The following EIF4EBP2 variants were observed in gnomAD, a reference collection of about 807,000 sequenced individuals.
EIF4EBP2 encodes the protein eukaryotic translation initiation factor 4E binding protein 2.
EIF4EBP2 carries 5 observed loss-of-function variants against 10.3 expected under a neutral mutation model. The observed-to-expected ratio is 0.48, with a 90% CI of 0.25 to 1.02. The LOEUF is 1.02. Among genes scored for constraint, EIF4EBP2 ranks in the 50% least tolerant of loss-of-function variants. The pLI is 0.15. For missense variants in EIF4EBP2, 188 were observed against 162.2 expected, an observed-to-expected ratio of 1.16 and a Z score of -0.86; for synonymous variants, 67 against 61.1, an observed-to-expected ratio of 1.10 and a Z score of -0.45.
Position 70,425,437 on chromosome 10 carries a change from C to A in EIF4EBP2, c.*3690C>A, listed in dbSNP as rs969068605. The A allele has an allele frequency of 2.0e-5, 3 of 152,230 alleles. No individual in the cohort carries two copies. The highest frequency in any genetic ancestry group is 2.1e-4 in the South Asian group (1 of 4,832). 9.4% of individuals were successfully genotyped at this position (152,230 alleles called of 1,614,324 possible). A position where few individuals can be genotyped will look rare whatever the true frequency, so the allele number is the denominator to read the frequency against. ...ATATCTTAAAAGCACCACACCCCAA[C>A]TGGGGATGAAAGTAGGTCAACAGGG... On this transcript the variant is annotated 3_prime_UTR_variant, in exon 3 of 3. Coordinates refer to ENST00000373218, the MANE Select transcript of EIF4EBP2 (RefSeq NM_004096.5).
intron 1 of EIF4EBP2, among the ~76,000 whole-genome samples, chr10:70,405,836 A>G (rs941655538): frequency 6.6e-6 from 1 of 152,166 alleles, no homozygotes; most frequent in African/African-American, 2.4e-5. Flanking sequence ...GGCTGCCTTG[A>G]AAGGCTTTTT....
Position 70,424,709 on chromosome 10 carries a change from G to A in EIF4EBP2, c.*2962G>A, listed in dbSNP as rs191580744. 9 of 152,306 alleles carry A rather than the reference G, an allele frequency of 5.9e-5. No individual in the cohort carries two copies. Among genetic ancestry groups the A allele is most frequent in the Admixed American group, 2.6e-4 (4 of 15,302 alleles). The allele number at this position is 152,306 out of a possible 1,614,324, so 9.4% of individuals were successfully genotyped here. ...TGCTTCTATACTTGGGCGGACAATC[G>A]AGCTTAATGAGAAGTGACTTCCCTT... On this transcript the variant is annotated 3_prime_UTR_variant, in exon 3 of 3. Coordinates refer to ENST00000373218, the MANE Select transcript of EIF4EBP2 (RefSeq NM_004096.5).
intron 1 of EIF4EBP2, among the ~76,000 whole-genome samples, chr10:70,405,325 A>C (rs1010390464): frequency 1.3e-5 from 2 of 152,190 alleles, no homozygotes; most frequent in Non-Finnish European, 2.9e-5. Flanking sequence ...AAGGGGCTAG[A>C]GAGAGGCAAT....
intron 1 of EIF4EBP2, among the ~76,000 whole-genome samples, chr10:70,417,129 G>C (rs975212035): frequency 7.2e-5 from 11 of 152,122 alleles, no homozygotes; most frequent in Admixed American, 5.9e-4. Flanking sequence ...AATTGATAAG[G>C]TGCGATATAT....
At position 70,421,700 on chromosome 10, in the gene EIF4EBP2, T is replaced by A. The variant is rs1845158771; in HGVS notation, c.332-16T>A. 6.2e-7 allele frequency: 1 copy of A among 1,612,226 alleles called. No individual in the cohort carries two copies. Among genetic ancestry groups the A allele is most frequent in the Non-Finnish European group, 8.5e-7 (1 of 1,178,350 alleles). ...TGTGTACGTGCTAAACTCTTCATTT[T>A]ATTGGTCCTAACTAGGGGATGATGC... is the stretch of plus-strand genomic sequence containing the variant. On this transcript the variant is annotated splice_polypyrimidine_tract_variant and intron_variant, in intron 2 of 2. Transcript: ENST00000373218.
rs1475710253 is a variant in EIF4EBP2, at chr10:70,404,387, C to T, written c.-15C>T. 2 of 1,555,044 alleles carry T rather than the reference C, an allele frequency of 1.3e-6. No individual in the cohort carries two copies. Among genetic ancestry groups the T allele is most frequent in the Non-Finnish European group, 1.7e-6 (2 of 1,154,170 alleles). ...CCTGCCCGCCGGACAAAGCCGAGAGCCCGCGCCCACAGCCATGTCCTCGTC... is the reference window on the plus strand; with the variant it reads ...CCTGCCCGCCGGACAAAGCCGAGAGTCCGCGCCCACAGCCATGTCCTCGTC... On this transcript the variant is annotated 5_prime_UTR_variant, in exon 1 of 3. Transcript: ENST00000373218.
intron 2 of EIF4EBP2, among the ~76,000 whole-genome samples, chr10:70,421,042 G>A (rs955768193): frequency 3.3e-5 from 5 of 152,056 alleles, no homozygotes; most frequent in Admixed American, 1.3e-4. Flanking sequence ...TGATCCGCCC[G>A]CCTCAGCCTC....
chr10:70,427,102 C>T lies in EIF4EBP2; in HGVS notation c.*5355C>T, dbSNP rs1265132936. The T allele has an allele frequency of 6.6e-6, 1 of 152,250 alleles. No individual in the cohort carries two copies. The highest frequency in any genetic ancestry group is 1.9e-4 in the East Asian group (1 of 5,202). The allele number at this position is 152,250 out of a possible 1,614,324, so 9.4% of individuals were successfully genotyped here. On this transcript the variant is annotated 3_prime_UTR_variant, in exon 3 of 3. Coordinates refer to ENST00000373218, the MANE Select transcript of EIF4EBP2 (RefSeq NM_004096.5). ...ATTCCCCTTGAGCGAGGAAGCCACACTGCCTTTCTGTGTCTGGTTCAGAGC... is the reference window on the plus strand; with the variant it reads ...ATTCCCCTTGAGCGAGGAAGCCACATTGCCTTTCTGTGTCTGGTTCAGAGC...
intron 1 of EIF4EBP2, among the ~76,000 whole-genome samples, chr10:70,411,244 G>A (rs1845040724): frequency 6.6e-6 from 1 of 152,126 alleles, no homozygotes. Context: ...TACCACCGCA[G>A]CCTCCGGCAG....
chr10:70,424,419 T>G lies in EIF4EBP2; in HGVS notation c.*2672T>G, dbSNP rs1396671232. 6.6e-6 allele frequency: 1 copy of G among 152,238 alleles called. No homozygotes were observed. The highest frequency in any genetic ancestry group is 1.5e-5 in the Non-Finnish European group (1 of 68,042). The allele number at this position is 152,238 out of a possible 1,614,324, so 9.4% of individuals were successfully genotyped here. ...TTTATCTTATGGAGATAAATTGGCA[T>G]TTAAAAAATAATTTCACAAGGCATG... On this transcript the variant is annotated 3_prime_UTR_variant, in exon 3 of 3. Coordinates refer to ENST00000373218, the MANE Select transcript of EIF4EBP2 (RefSeq NM_004096.5).
intron 1 of EIF4EBP2, among the ~76,000 whole-genome samples, chr10:70,407,167 G>C (rs1418567879): frequency 6.6e-6 from 1 of 151,398 alleles, no homozygotes; most frequent in African/African-American, 2.4e-5. Flanking sequence ...CGCAGAGGGG[G>C]ATTTGGCAGG....
At chr10:70,405,633 C>G (rs1844957835) in intron 1 of EIF4EBP2, among the ~76,000 whole-genome samples, 2 of 152,204 alleles carry the variant, frequency 1.3e-5, no homozygotes, top group African/African-American at 4.8e-5. Context: ...GGATTGCTAG[C>G]CTTGTTCCTG....
chr10:70,405,142 G>A (rs1437955230), intron 1 of EIF4EBP2, among the ~76,000 whole-genome samples: 2 of 152,214 alleles, frequency 1.3e-5, no homozygotes, highest in African/African-American at 4.8e-5. Flanking sequence ...AGGCCGGGAG[G>A]AGAGCGTGAT....
chr10:70,416,309 G>C (rs895756515), intron 1 of EIF4EBP2, among the ~76,000 whole-genome samples: 1 of 152,098 alleles, frequency 6.6e-6, no homozygotes, highest in African/African-American at 2.4e-5. Flanking sequence ...GGCCGGGCGC[G>C]GTGGCTCACG....
intron 1 of EIF4EBP2, 111 bp downstream of exon 1, chr10:70,404,657 C>T (rs1033540852): frequency 1.5e-6 from 2 of 1,334,542 alleles, no homozygotes; most frequent in South Asian, 1.7e-5. Context: ...CACCGAAGCC[C>T]CGGGGACGCT....
chr10:70,413,744 A>AT (rs761715524), intron 1 of EIF4EBP2, among the ~76,000 whole-genome samples: 49 of 151,768 alleles, frequency 3.2e-4, no homozygotes, highest in African/African-American at 4.6e-4. Context: ...CAATATTGTG[A>AT]TTTTTTTTCA....
chr10:70,420,082 A>G lies in EIF4EBP2; in HGVS notation c.314A>G (p.Asp105Gly). ...VNNLNNLNNHDRKHAVGDDAQ... is the reference protein window; with the variant it reads ...VNNLNNLNNHGRKHAVGDDAQ... ...AATTTGAACAACTTGAACAATCACG[A>G]CAGGAAACATGCAGTTGGTAAGAGA... The change falls in exon 2 of 3, where the codon GAC becomes GGC. Residue 105 changes from aspartate (D) to glycine (G), a missense_variant. Asp to Gly is a moderately conservative substitution (Grantham distance 94, BLOSUM62 -1). Coordinates refer to ENST00000373218, the MANE Select transcript of EIF4EBP2 (RefSeq NM_004096.5). 2 of 1,606,186 alleles carry G rather than the reference A, an allele frequency of 1.2e-6. No homozygotes were observed. The highest frequency in any genetic ancestry group is 1.7e-6 in the Non-Finnish European group (2 of 1,177,518).
In EIF4EBP2 at chr10:70,420,112, C is replaced by A; in HGVS notation, c.331+13C>A. Reference sequence around the variant, plus strand: ...AAACATGCAGTTGGTAAGAGAATGGCGATGTTGGAGACCTAGAGCGTGGCT... The same window carrying A: ...AAACATGCAGTTGGTAAGAGAATGGAGATGTTGGAGACCTAGAGCGTGGCT... On this transcript the variant is annotated intron_variant, in intron 2 of 2. Transcript: ENST00000373218. 1 of 1,589,812 alleles carries A rather than the reference C, an allele frequency of 6.3e-7. No individual in the cohort carries two copies. Among genetic ancestry groups the A allele is most frequent in the Non-Finnish European group, 8.6e-7 (1 of 1,168,338 alleles).
chr10:70,407,736 C>CT (rs1413543122), intron 1 of EIF4EBP2, among the ~76,000 whole-genome samples: 2 of 141,182 alleles, frequency 1.4e-5, no homozygotes, highest in Admixed American at 6.9e-5. Flanking sequence ...GCTGACCCCC[C>CT]CCCCACCTCC....
Sources: allele counts gnomAD v4.1 joint callset (sites outside exome capture counted in the v4.1 genomes callset), GRCh38; gene constraint gnomAD v4.1.1; transcripts MANE v1.5; gene names NCBI Gene and HGNC (gene_info 2026-07-23, HGNC 2026-07-21).